PTPRD: variants seen among roughly 807,000 people sequenced by gnomAD.
The protein encoded by PTPRD is receptor-type tyrosine-protein phosphatase delta.
A neutral mutation model predicts 214.5 loss-of-function variants in PTPRD; 34 were observed. That is an observed-to-expected ratio of 0.16 (90% CI 0.12 to 0.21). The LOEUF (loss-of-function observed/expected upper bound fraction) is 0.21, where lower values mean the gene tolerates loss of function less well. Among genes scored for constraint, PTPRD ranks in the 10% least tolerant of loss-of-function variants. PTPRD has a pLI of 1.00. For missense variants in PTPRD, 2,545 were observed against 2,398.7 expected (o/e 1.06, Z -1.27); for synonymous variants, 1,128 against 845.7 (o/e 1.33, Z -5.79).
chr9:10,551,598 T>A (rs1461556658), intron 2 of PTPRD, among the ~76,000 whole-genome samples: 3 of 152,134 alleles, frequency 2.0e-5, no homozygotes, highest in African/African-American at 4.8e-5. Context: ...TAAGTCTATA[T>A]CTATAAACCA....
chr9:10,436,731 T>A (rs2098720528), intron 2 of PTPRD, among the ~76,000 whole-genome samples: 1 of 151,758 alleles, frequency 6.6e-6, no homozygotes, highest in South Asian at 2.1e-4. Context: ...TCTCTATTAT[T>A]TCCTGTTTTA....
intron 27 of PTPRD, among the ~76,000 whole-genome samples, chr9:8,487,211 A>G (rs35441574): frequency 0.074 from 11,196 of 152,228 alleles, 529 homozygotes; most frequent in South Asian, 0.13. Context: ...ATTAACCATA[A>G]TTATTAATAA....
At chr9:8,930,885 C>T (rs2098947925) in intron 11 of PTPRD, among the ~76,000 whole-genome samples, 1 of 152,054 alleles carries the variant, frequency 6.6e-6, no homozygotes, top group Non-Finnish European at 1.5e-5. Flanking sequence ...GAGTAGATTG[C>T]AAAAATGTTC....
intron 2 of PTPRD, among the ~76,000 whole-genome samples, chr9:10,355,720 C>T (rs1470126744): frequency 6.6e-6 from 1 of 152,010 alleles, no homozygotes; most frequent in Non-Finnish European, 1.5e-5. Flanking sequence ...TCAGGTGATC[C>T]GCCCACCTCG....
At chr9:10,281,078 C>A (rs2095080570) in intron 3 of PTPRD, among the ~76,000 whole-genome samples, 1 of 152,152 alleles carries the variant, frequency 6.6e-6, no homozygotes, top group Non-Finnish European at 1.5e-5. Flanking sequence ...CCAAGCAAAT[C>A]TGTAAACTCC....
chr9:9,782,563 C>G (rs963229437), intron 5 of PTPRD, among the ~76,000 whole-genome samples: 3 of 152,134 alleles, frequency 2.0e-5, no homozygotes, highest in African/African-American at 7.2e-5. Context: ...AAACATAAAA[C>G]TGGACTCCCT....
intron 2 of PTPRD, among the ~76,000 whole-genome samples, chr9:10,347,330 G>A (rs1242362486): frequency 1.3e-5 from 2 of 151,548 alleles, no homozygotes; most frequent in Non-Finnish European, 2.9e-5. Flanking sequence ...CATAGTTTCA[G>A]GTATATGTGA....
At chr9:9,722,060 C>T (rs1055968182) in intron 7 of PTPRD, among the ~76,000 whole-genome samples, 4 of 151,568 alleles carry the variant, frequency 2.6e-5, no homozygotes, top group Admixed American at 6.6e-5. Flanking sequence ...TTTTTTTCTC[C>T]CTTTTTAAGG....
chr9:8,882,358 CA>C (rs1446713851), intron 11 of PTPRD, among the ~76,000 whole-genome samples: 2 of 152,024 alleles, frequency 1.3e-5, no homozygotes, highest in African/African-American at 4.8e-5. Context: ...ATTACAGATC[CA>C]AGCGGTGAAG....
At chr9:10,103,348 C>T (rs1462440336) in intron 3 of PTPRD, among the ~76,000 whole-genome samples, 1 of 127,014 alleles carries the variant, frequency 7.9e-6, no homozygotes, top group Non-Finnish European at 1.6e-5. Context: ...AGATTATTGC[C>T]ATTGAGTTAT....
intron 2 of PTPRD, among the ~76,000 whole-genome samples, chr9:10,588,171 G>A (rs958502376): frequency 1.2e-4 from 19 of 152,138 alleles, no homozygotes; most frequent in African/African-American, 4.3e-4. Context: ...GCCCAATGCT[G>A]TACATAGTTT....
chr9:9,673,012 T>A (rs2096860056), intron 7 of PTPRD, among the ~76,000 whole-genome samples: 1 of 151,922 alleles, frequency 6.6e-6, no homozygotes. Flanking sequence ...GTATACAAAT[T>A]AAAATATAAA....
chr9:8,612,061 T>G (rs2095472278), intron 14 of PTPRD, among the ~76,000 whole-genome samples: 1 of 151,842 alleles, frequency 6.6e-6, no homozygotes, highest in African/African-American at 2.4e-5. Flanking sequence ...GATGTTTCAA[T>G]GTTAACTACT....
intron 5 of PTPRD, among the ~76,000 whole-genome samples, chr9:9,916,558 CAT>C (rs2080876286): frequency 6.6e-6 from 1 of 151,754 alleles, no homozygotes; most frequent in Non-Finnish European, 1.5e-5. Context: ...TACATATATA[CAT>C]ATATGTTGCC....
intron 2 of PTPRD, among the ~76,000 whole-genome samples, chr9:10,343,893 G>T (rs1262833896): frequency 2.0e-5 from 3 of 148,280 alleles, no homozygotes; most frequent in Non-Finnish European, 4.5e-5. Context: ...GCTCTTCGTA[G>T]ATTCTGGATA....
intron 3 of PTPRD, among the ~76,000 whole-genome samples, chr9:10,220,801 C>T (rs2099568467): frequency 2.0e-5 from 3 of 151,240 alleles, no homozygotes; most frequent in Non-Finnish European, 1.5e-5. Context: ...TATGAGTTTT[C>T]CTTTTGCTAA....
chr9:10,104,292 T>C (rs1178155696), intron 3 of PTPRD, among the ~76,000 whole-genome samples: 1 of 151,770 alleles, frequency 6.6e-6, no homozygotes, highest in Middle Eastern at 3.2e-3. Flanking sequence ...CACGGAACTG[T>C]ATAGTTACAA....
In PTPRD at chr9:9,806,568, C is replaced by T. The variant is rs896325793; in HGVS notation, c.-367-39717G>A. Among the ~76,000 whole-genome samples, 3 of 152,200 alleles carry T rather than the reference C, an allele frequency of 2.0e-5. No individual in the cohort carries two copies. The East Asian group carries it at 5.8e-4, about 29-fold the overall frequency. Reference sequence around the variant, plus strand: ...CCGCAAAAAATTGCTCCTGACTCCACCGCCTATGCCAAACCTGTAAGAACC... The same window carrying T: ...CCGCAAAAAATTGCTCCTGACTCCATCGCCTATGCCAAACCTGTAAGAACC... On this transcript the variant is annotated intron_variant, in intron 5 of 45. Transcript: ENST00000381196.
intron 10 of PTPRD, among the ~76,000 whole-genome samples, chr9:9,075,965 A>G (rs1199951077): frequency 6.6e-6 from 1 of 152,214 alleles, no homozygotes; most frequent in Non-Finnish European, 1.5e-5. Flanking sequence ...GTCTAGTTCT[A>G]GATCCTAGAG....
Sources: gnomAD v4.1 joint callset for allele counts (sites outside exome capture counted in the v4.1 genomes callset) on GRCh38, gnomAD v4.1.1 for gene constraint, MANE v1.5 for transcripts, NCBI Gene and HGNC (gene_info 2026-07-23, HGNC 2026-07-21) for gene names.